DMRT1: variants seen among roughly 807,000 people sequenced by gnomAD.
DMRT1 encodes the protein doublesex- and mab-3-related transcription factor 1.
In DMRT1, 7 loss-of-function variants were observed where a neutral mutation model predicts 32.3. The ratio of observed to expected loss-of-function variants is 0.22; its 90% CI spans 0.12 to 0.41. DMRT1 has a LOEUF of 0.41. DMRT1 is among the 10% of genes least tolerant of loss of function. The pLI is 1.00. For missense variants in DMRT1, 625 were observed against 500.5 expected (o/e 1.25, Z -2.37); for synonymous variants, 278 against 206.1 (o/e 1.35, Z -2.99).
chr9:858,860 AAAAAAAAAAAATAT>A (rs1246062977), intron 2 of DMRT1, among the ~76,000 whole-genome samples: 2,593 of 105,122 alleles, frequency 0.025, 67 homozygotes, highest in African/African-American at 0.1. Flanking sequence ...TCTCAAAAAA[AAAAAAAAAAAATAT>A]ATATATATAT....
At chr9:934,524 C>G (rs1056195820) in intron 4 of DMRT1, among the ~76,000 whole-genome samples, 1 of 152,110 alleles carries the variant, frequency 6.6e-6, no homozygotes, top group Non-Finnish European at 1.5e-5. Context: ...AAATGAGACC[C>G]TGTCTCAAAA....
At chr9:962,487 G>A (rs867647536) in intron 4 of DMRT1, among the ~76,000 whole-genome samples, 1 of 134,682 alleles carries the variant, frequency 7.4e-6, no homozygotes, top group Non-Finnish European at 1.6e-5. Flanking sequence ...CCTCCTCCAT[G>A]AAACAAGCAG....
At chr9:894,686 G>T in intron 3 of DMRT1, 1 of 215,072 alleles carries the variant, frequency 4.6e-6, no homozygotes, top group Non-Finnish European at 9.4e-6. Flanking sequence ...GTCATAATCT[G>T]TATGGAAGAA....
chr9:967,959 T>TTTCTCC, intron 4 of DMRT1, 26 bp from the exon 5 acceptor site: 1 of 1,601,444 alleles, frequency 6.2e-7, no homozygotes. Context: ...TCCCTTTCTC[T>TTTCTCC]CTTTCTCTCT....
At chr9:948,285 C>A (rs1214799436) in intron 4 of DMRT1, among the ~76,000 whole-genome samples, 1 of 152,034 alleles carries the variant, frequency 6.6e-6, no homozygotes, top group Non-Finnish European at 1.5e-5. Flanking sequence ...TTTTTCTCAT[C>A]GTTATCTTAA....
intron 2 of DMRT1, among the ~76,000 whole-genome samples, chr9:862,188 C>G (rs1477718154): frequency 1.3e-5 from 2 of 151,318 alleles, no homozygotes; most frequent in African/African-American, 4.8e-5. Context: ...CGAGATCACG[C>G]CACTGCACTC....
chr9:932,562 C>T (rs1586635152), intron 4 of DMRT1, among the ~76,000 whole-genome samples: 2 of 152,036 alleles, frequency 1.3e-5, no homozygotes. Context: ...GGTTTTTTTC[C>T]TTCTGACACA....
intron 3 of DMRT1, 123 bp from the exon 4 acceptor site, chr9:916,640 G>A (rs190061968): frequency 1.2e-5 from 15 of 1,236,674 alleles, no homozygotes; most frequent in Admixed American, 1.8e-5. Flanking sequence ...CCAAGGTGTC[G>A]GGAACATAGG....
At chr9:939,702 C>T (rs965059304) in intron 4 of DMRT1, among the ~76,000 whole-genome samples, 10 of 152,094 alleles carry the variant, frequency 6.6e-5, no homozygotes, top group East Asian at 1.9e-4. Flanking sequence ...TACAAGCTCA[C>T]GGGGGGAAAA....
intron 3 of DMRT1, among the ~76,000 whole-genome samples, chr9:913,639 A>C (rs2129754572): frequency 6.6e-6 from 1 of 151,978 alleles, no homozygotes; most frequent in African/African-American, 2.4e-5. Flanking sequence ...TGACACTTGT[A>C]ATCTCAGCAC....
chr9:863,436 G>C (rs920960376), intron 2 of DMRT1, among the ~76,000 whole-genome samples: 6 of 152,036 alleles, frequency 3.9e-5, no homozygotes, highest in African/African-American at 1.4e-4. Context: ...GACTTGACCT[G>C]CTATTGCTGG....
At chr9:944,428 A>G (rs76470086) in intron 4 of DMRT1, among the ~76,000 whole-genome samples, 5,017 of 152,226 alleles carry the variant, frequency 0.033, 324 homozygotes, top group East Asian at 0.19. Context: ...CACATATACA[A>G]TTTTCAGCAG....
intron 2 of DMRT1, among the ~76,000 whole-genome samples, chr9:863,161 A>G (rs1815798604): frequency 6.6e-6 from 1 of 150,986 alleles, no homozygotes; most frequent in Non-Finnish European, 1.5e-5. Context: ...AAAAAAAAAA[A>G]AAAAAAATTA....
At chr9:964,354 T>A (rs899161553) in intron 4 of DMRT1, among the ~76,000 whole-genome samples, 3 of 152,162 alleles carry the variant, frequency 2.0e-5, no homozygotes, top group African/African-American at 7.2e-5. Flanking sequence ...TAAATCATAA[T>A]AAAATAACAT....
intron 4 of DMRT1, among the ~76,000 whole-genome samples, chr9:930,880 A>G (rs1818703803): frequency 6.6e-6 from 1 of 152,166 alleles, no homozygotes; most frequent in Non-Finnish European, 1.5e-5. Context: ...AATATAACTC[A>G]TATACCATAA....
chr9:859,006 T>C (rs1815534594), intron 2 of DMRT1, among the ~76,000 whole-genome samples: 1 of 152,030 alleles, frequency 6.6e-6, no homozygotes, highest in African/African-American at 2.4e-5. Flanking sequence ...AGAAACTCTG[T>C]ACCCATTAAA....
intron 2 of DMRT1, among the ~76,000 whole-genome samples, chr9:880,553 C>T (rs755244863): frequency 6.6e-6 from 1 of 151,456 alleles, no homozygotes. Context: ...ATGGTGAATC[C>T]CTGTCTCTAC....
Position 890,083 on chromosome 9 carries a change from G to GGGT in DMRT1, c.539-3829_539-3828insGGT, listed in dbSNP as rs1273507545. Among the ~76,000 whole-genome samples the GGGT allele has an allele frequency of 3.8e-4, 41 of 108,890 alleles. 1 individual carries two copies. Among genetic ancestry groups the GGGT allele is most frequent in the African/African-American group, 5.7e-4 (18 of 31,502 alleles). The allele number at this position is 108,890 out of a possible 152,430, so 71.4% of individuals were successfully genotyped here. A position where few individuals can be genotyped will look rare whatever the true frequency, so the allele number is the denominator to read the frequency against. On this transcript the variant is annotated intron_variant, in intron 2 of 4. Transcript: ENST00000382276. ...AAACCACCACTTAACGCCACCAAAC[G>GGGT]TGTTTTTTTTTTTTTTTTTTTTTGA...
At chr9:899,552 G>A in intron 3 of DMRT1, among the ~76,000 whole-genome samples, 1 of 152,144 alleles carries the variant, frequency 6.6e-6, no homozygotes, top group Non-Finnish European at 1.5e-5. Flanking sequence ...GAGATTTGTG[G>A]CCCAATCATA....
Sources: allele counts gnomAD v4.1 joint callset (sites outside exome capture counted in the v4.1 genomes callset), GRCh38; gene constraint gnomAD v4.1.1; transcripts MANE v1.5; gene names NCBI Gene and HGNC (gene_info 2026-07-23, HGNC 2026-07-21).